The following SYNE2 variants were observed in gnomAD, a reference collection of about 807,000 sequenced individuals.
SYNE2 encodes spectrin repeat containing nuclear envelope protein 2.
SYNE2 carries 431 observed loss-of-function variants against 856.3 expected under a neutral mutation model. That is an observed-to-expected ratio of 0.50 (90% CI 0.47 to 0.55). SYNE2 has a LOEUF of 0.55. Ranked by LOEUF, SYNE2 falls within the 20% of genes least tolerant of loss-of-function variation. The pLI is 0.00. For synonymous variants in SYNE2, 2,923 were observed against 2,872.3 expected (o/e 1.02, Z -0.56); for missense variants, 8,129 against 8,023.2 (o/e 1.01, Z -0.50).
chr14:64,149,074 A>G (rs900101660), intron 84 of SYNE2, among the ~76,000 whole-genome samples: 3 of 151,604 alleles, frequency 2.0e-5, no homozygotes, highest in African/African-American at 7.3e-5. Context: ...TTGGGAGGCT[A>G]AGGCAGAAGG....
chr14:64,068,785 T>TC (rs780028922), intron 51 of SYNE2, among the ~76,000 whole-genome samples: 191 of 140,896 alleles, frequency 1.4e-3, no homozygotes, highest in Non-Finnish European at 2.4e-3. Context: ...TGCTTGAACC[T>TC]AGGGCGTGGG....
chr14:64,002,248 A>G (rs903432483), intron 29 of SYNE2, among the ~76,000 whole-genome samples, 167 bp downstream of exon 29: 1 of 152,096 alleles, frequency 6.6e-6, no homozygotes, highest in Non-Finnish European at 1.5e-5. Context: ...TAACTCTTTA[A>G]TTCCTTGCAA....
intron 49 of SYNE2, among the ~76,000 whole-genome samples, chr14:64,059,356 TGGTCGC>T (rs1010547123): frequency 3.3e-4 from 50 of 152,326 alleles, no homozygotes; most frequent in African/African-American, 1.2e-3. Context: ...TCTAAGTTTT[TGGTCGC>T]GGTAGTCATA....
At chr14:64,218,959 T>G (rs138006547) in intron 109 of SYNE2, among the ~76,000 whole-genome samples, 275 of 152,258 alleles carry the variant, frequency 1.8e-3, no homozygotes, top group African/African-American at 6.2e-3. Flanking sequence ...CTGTTGAGCT[T>G]GAAACTGTAG....
intron 1 of SYNE2, among the ~76,000 whole-genome samples, chr14:63,858,090 G>T (rs909924685): frequency 6.6e-6 from 1 of 151,518 alleles, no homozygotes; most frequent in African/African-American, 2.4e-5. Context: ...GAAGCAAAAT[G>T]GAGCTGTTTT....
intron 8 of SYNE2, among the ~76,000 whole-genome samples, chr14:63,960,266 C>T (rs2096292832): frequency 6.6e-6 from 1 of 152,126 alleles, no homozygotes; most frequent in Non-Finnish European, 1.5e-5. Flanking sequence ...ATGCTTACTG[C>T]CTTGAATTAC....
Position 64,024,396 on chromosome 14 carries a change from A to G in SYNE2, c.5777A>G (p.Lys1926Arg). The change falls in exon 39 of 116, where the codon AAA becomes AGA. Residue 1926 changes from lysine (K) to arginine (R), a missense_variant. Coordinates refer to ENST00000555002, the MANE Select transcript of SYNE2 (RefSeq NM_182914.3). Reference protein sequence around the residue: ...WLVGQEFELEKMESICQARAK... With the variant: ...WLVGQEFELERMESICQARAK... ...GTGGGTCAGGAATTCGAATTAGAAA[A>G]AATGGAGTCCATATGCCAGGCTCGA... The G allele has an allele frequency of 6.2e-7, 1 of 1,614,208 alleles. No individual in the cohort carries two copies. The highest frequency in any genetic ancestry group is 1.3e-5 in the African/African-American group (1 of 75,056).
intron 1 of SYNE2, among the ~76,000 whole-genome samples, chr14:63,777,445 G>A (rs558677420): frequency 8.9e-4 from 135 of 152,268 alleles, no homozygotes; most frequent in Non-Finnish European, 1.3e-3. Flanking sequence ...TGAGGTGGGA[G>A]GATTGCTTGT....
intron 34 of SYNE2, 125 bp downstream of exon 34, chr14:64,017,881 A>AT (rs1168507212): frequency 2.1e-6 from 2 of 955,644 alleles, no homozygotes; most frequent in East Asian, 5.3e-5. Context: ...AATCACAGAC[A>AT]TTTTTGGATC....
intron 10 of SYNE2, among the ~76,000 whole-genome samples, chr14:63,966,412 G>T (rs778397042): frequency 6.0e-4 from 91 of 151,974 alleles, no homozygotes; most frequent in Non-Finnish European, 1.2e-3. Context: ...AGTGCCAGCT[G>T]CTCGGAAGAC....
intron 66 of SYNE2, among the ~76,000 whole-genome samples, chr14:64,117,051 G>T (rs1000584530): frequency 4.6e-5 from 7 of 152,160 alleles, no homozygotes; most frequent in African/African-American, 1.7e-4. Flanking sequence ...CTTTGTCTGT[G>T]GGGGTTGTGT....
Position 64,223,238 on chromosome 14 carries a change from A to C in SYNE2, c.20240A>C (p.Gln6747Pro), listed in dbSNP as rs147470935. The stretch of plus-strand genomic sequence containing the variant: ...CGTCAACCTCAAGTGGACATGTTAC[A>C]GGAGATTTCAAACAGCCTTCTCATT... Reference protein sequence around the residue: ...VERQPQVDMLQEISNSLLIKG... With the variant: ...VERQPQVDMLPEISNSLLIKG... Residue 6747 changes from glutamine (Q) to proline (P), a missense_variant, in exon 113 of 116, where the codon CAG (glutamine) becomes CCG (proline). This residue lies in a region of SYNE2 where 5,410 missense variants were observed against 5,284.8 expected (regional missense o/e 1.02). Transcript: ENST00000555002. The C allele has an allele frequency of 7.3e-5, 118 of 1,614,054 alleles. 1 individual carries two copies. Among genetic ancestry groups the C allele is most frequent in the Non-Finnish European group, 1.9e-5 (22 of 1,180,010 alleles).
In SYNE2 at chr14:64,119,600, T is replaced by G; in HGVS notation, c.13014T>G (p.Ser4338Arg). 1 of 1,614,090 alleles carries G rather than the reference T, an allele frequency of 6.2e-7. No homozygotes were observed. ...AGATGATGCTTCAGGAGAAGCACAG[T>G]GAAGATCAGGTAAAAAATGACTATC... ...KVQMMLQEKH[S>R]EDQHPTILKK... is the part of the protein sequence containing the mutation. Residue 4338 changes from serine (S) to arginine (R), a missense_variant, in exon 67 of 116, where the codon AGT becomes AGG. Physicochemically the swap from Ser to Arg is moderately radical, Grantham distance 110 (BLOSUM62 -1). Transcript: ENST00000555002.
rs1365867902 is a variant in SYNE2 at position 63,934,524 on chromosome 14, TATC to T, written c.80-6087_80-6085del. The stretch of plus-strand genomic sequence containing the variant: ...TTAGTATAAGACCCCTTTTATCTAG[TATC>T]ATGTGCAAATGAAATGACCCCTCAT... On this transcript the variant is annotated intron_variant, in intron 2 of 115. Transcript: ENST00000555002. 8.6e-5 allele frequency among the ~76,000 whole-genome samples: 13 copies of T among 151,462 alleles called. No individual in the cohort carries two copies. In the East Asian group the frequency reaches 2.1e-3, roughly 25 times the overall value.
chr14:64,190,127 G>T lies in SYNE2; in HGVS notation c.17928G>T (p.Met5976Ile). ...FSENKLQLKQ[M>I]GDQLIKASNK... ...AAAACAAGTTACAGTTAAAGCAGAT[G>T]GGTGACCAGTTGATCAAGGCCAGCA... The change falls in exon 99 of 116, where the codon ATG becomes ATT. Residue 5976 changes from methionine (M) to isoleucine (I), a missense_variant. Physicochemically the swap from Met to Ile is conservative, Grantham distance 10 (BLOSUM62 1). Around this residue, in one of 3 missense-constraint regions of SYNE2, gnomAD observed 5,410 missense variants for 5,284.8 expected, o/e 1.02. Transcript: ENST00000555002. 3 of 1,614,134 alleles carry T rather than the reference G, an allele frequency of 1.9e-6. No individual in the cohort carries two copies. Among genetic ancestry groups the T allele is most frequent in the Non-Finnish European group, 2.5e-6 (3 of 1,180,034 alleles).
rs925059097 is a variant in SYNE2 at position 64,225,784 on chromosome 14, G to T, written c.*258G>T. The T allele has an allele frequency of 3.4e-6, 2 of 595,224 alleles. No individual in the cohort carries two copies. Among genetic ancestry groups the T allele is most frequent in the Non-Finnish European group, 6.0e-6 (2 of 333,528 alleles). The allele number at this position is 595,224 out of a possible 1,614,324, so 36.9% of individuals were successfully genotyped here. ...TAGTTGATTAGTTTAGGGATCTCTG[G>T]AAATGTCAGTTTCCTGAAGAGCCAA... is the stretch of plus-strand genomic sequence containing the variant. On this transcript the variant is annotated 3_prime_UTR_variant, in exon 116 of 116. Coordinates refer to ENST00000555002, the MANE Select transcript of SYNE2 (RefSeq NM_182914.3).
At chr14:64,186,722 G>GAAT (rs2098493235) in intron 97 of SYNE2, 143 bp downstream of exon 97, 2 of 1,044,486 alleles carry the variant, frequency 1.9e-6, no homozygotes, top group Non-Finnish European at 2.9e-6. Flanking sequence ...TGCTCCTTTA[G>GAAT]AAGGCAGCAA....
chr14:64,163,657 G>A, intron 89 of SYNE2, 76 bp downstream of exon 89: 1 of 1,566,360 alleles, frequency 6.4e-7, no homozygotes, highest in South Asian at 1.1e-5. Context: ...ATCCTTTGAA[G>A]CAGTAGTGCT....
chr14:63,819,677 C>T (rs1335204955), intron 1 of SYNE2, among the ~76,000 whole-genome samples: 7 of 152,008 alleles, frequency 4.6e-5, no homozygotes, highest in Admixed American at 2.6e-4. Flanking sequence ...GCTGGGACTA[C>T]AGGCGCCCGC....
Sources: gnomAD v4.1 joint callset for allele counts (sites outside exome capture counted in the v4.1 genomes callset) on GRCh38, gnomAD v4.1.1 for gene constraint, gnomAD v4.1.1 regional missense constraint, MANE v1.5 for transcripts, NCBI Gene and HGNC (gene_info 2026-07-23, HGNC 2026-07-21) for gene names.